Variants in UACA observed in about 807,000 individuals in gnomAD.
UACA encodes the protein uveal autoantigen with coiled-coil domains and ankyrin repeats.
A neutral mutation model predicts 160.5 loss-of-function variants in UACA; 112 were observed. The ratio of observed to expected loss-of-function variants is 0.70; its 90% confidence interval spans 0.60 to 0.82. The LOEUF is 0.82. UACA is among the 40% of genes least tolerant of loss of function. The pLI, the probability that UACA is intolerant of heterozygous loss-of-function variation, is 0.00. For missense variants in UACA, 1,574 were observed against 1,614.6 expected (o/e 0.97, Z 0.43); for synonymous variants, 557 against 568.4 (o/e 0.98, Z 0.29).
chr15:70,696,056 C>T (rs1043075172), intron 2 of UACA, among the ~76,000 whole-genome samples: 1 of 152,062 alleles, frequency 6.6e-6, no homozygotes, highest in African/African-American at 2.4e-5. Context: ...TAAGTAAGTG[C>T]AATAACCATT....
At chr15:70,759,523 C>T (rs1421101444) in intron 1 of UACA, among the ~76,000 whole-genome samples, 1 of 152,168 alleles carries the variant, frequency 6.6e-6, no homozygotes, top group African/African-American at 2.4e-5. Flanking sequence ...GGCATGGTGG[C>T]AAATGCCTGT....
intron 1 of UACA, among the ~76,000 whole-genome samples, chr15:70,714,036 T>G (rs1898757781): frequency 1.3e-5 from 2 of 151,852 alleles, no homozygotes; most frequent in Non-Finnish European, 2.9e-5. Flanking sequence ...TTAGGCAAAT[T>G]CCCCCAAAAC....
chr15:70,774,730 A>G, the UACA span, among the ~76,000 whole-genome samples: 3 of 152,058 alleles, frequency 2.0e-5, no homozygotes, highest in South Asian at 4.1e-4. Context: ...CTTGATTAAA[A>G]TGATTTATAC....
At chr15:70,771,408 T>G in the UACA span, among the ~76,000 whole-genome samples, 1 of 152,256 alleles carries the variant, frequency 6.6e-6, no homozygotes, top group Non-Finnish European at 1.5e-5. Flanking sequence ...TGCTACATTC[T>G]GCAATAAATT....
rs771094058 is a variant in UACA, at chr15:70,669,271, C to A, written c.1413G>T (p.Val471=). The change falls in exon 16 of 19, where the codon GTG becomes GTT. Residue 471 remains valine (V), a synonymous_variant. Transcript: ENST00000322954. ...CTAATGCTAAAGCTTTGCATTCTGC[C>A]ACTTTGTGTGCCAGTTCATTTTGGA... ...LKLQNELAHK[V]AECKALALEC... is the part of the protein sequence containing the mutation. The A allele has an allele frequency of 2.7e-5, 43 of 1,613,900 alleles. No individual in the cohort carries two copies. Among genetic ancestry groups the A allele is most frequent in the Non-Finnish European group, 3.0e-5 (35 of 1,179,982 alleles).
At chr15:70,741,411 T>C (rs1566996351) in intron 1 of UACA, among the ~76,000 whole-genome samples, 1 of 152,130 alleles carries the variant, frequency 6.6e-6, no homozygotes, top group Non-Finnish European at 1.5e-5. Flanking sequence ...CATGTGCTAG[T>C]ACCAAACAAG....
intron 1 of UACA, among the ~76,000 whole-genome samples, chr15:70,759,511 C>T (rs1213632877): frequency 2.0e-5 from 3 of 152,212 alleles, no homozygotes; most frequent in Admixed American, 6.5e-5. Flanking sequence ...CAAAATGAGC[C>T]GGGCATGGTG....
intron 1 of UACA, among the ~76,000 whole-genome samples, chr15:70,749,935 TC>T (rs1408998922): frequency 5.9e-5 from 9 of 152,156 alleles, no homozygotes; most frequent in African/African-American, 2.2e-4. Flanking sequence ...GCTCTCTCTC[TC>T]CCTCTTACAG....
intron 13 of UACA, among the ~76,000 whole-genome samples, chr15:70,675,328 C>T (rs551425199): frequency 1.9e-4 from 29 of 152,302 alleles, no homozygotes; most frequent in African/African-American, 7.0e-4. Flanking sequence ...GAAGCCACTA[C>T]AGCTAGATCA....
At chr15:70,708,755 G>A (rs1409602172) in intron 1 of UACA, among the ~76,000 whole-genome samples, 1 of 152,160 alleles carries the variant, frequency 6.6e-6, no homozygotes, top group East Asian at 1.9e-4. Flanking sequence ...ACAGGTGTGA[G>A]CCACTGTGCC....
chr15:70,673,340 G>C (rs1267126604), intron 13 of UACA, among the ~76,000 whole-genome samples: 1 of 152,072 alleles, frequency 6.6e-6, no homozygotes, highest in Admixed American at 6.6e-5. Context: ...GGCAGATGTA[G>C]TTCATATTTG....
At chr15:70,693,976 A>T (rs1041381670) in intron 3 of UACA, among the ~76,000 whole-genome samples, 1 of 152,150 alleles carries the variant, frequency 6.6e-6, no homozygotes, top group Non-Finnish European at 1.5e-5. Flanking sequence ...GATTTACCTC[A>T]CTAATTCAAT....
chr15:70,697,935 A>G (rs1455390883), intron 2 of UACA, among the ~76,000 whole-genome samples: 3 of 152,182 alleles, frequency 2.0e-5, no homozygotes, highest in Admixed American at 1.3e-4. Context: ...CTGCAATCCC[A>G]GCTACTCAGG....
At chr15:70,661,558 C>T (rs1436311299) in intron 17 of UACA, 1 of 152,050 alleles carries the variant, frequency 6.6e-6, no homozygotes, top group Non-Finnish European at 1.5e-5. Flanking sequence ...AAACAAAAAA[C>T]CTTTCTTCTA....
chr15:70,710,434 C>T (rs911078213), intron 1 of UACA, among the ~76,000 whole-genome samples: 2 of 152,142 alleles, frequency 1.3e-5, no homozygotes, highest in African/African-American at 4.8e-5. Flanking sequence ...ACTTACAGAG[C>T]AATTCTCCAG....
rs967095130 is a variant in UACA, at chr15:70,693,762, A to G, written c.301+1255T>C. Among the ~76,000 whole-genome samples, 4 of 152,102 alleles carry G rather than the reference A, an allele frequency of 2.6e-5. No individual in the cohort carries two copies. The East Asian group carries it at 7.7e-4, about 29-fold the overall frequency. On this transcript the variant is annotated intron_variant, in intron 3 of 18. Transcript: ENST00000322954. ...GAAAGAATACAGACAAAAACAAGAA[A>G]GATACCTGTTTGAATTGGGATCCAC...
rs762935635 is a variant in UACA at position 70,695,008 on chromosome 15, C to A, written c.301+9G>T. On this transcript the variant is annotated intron_variant, in intron 3 of 18. Transcript: ENST00000322954. ...TATGTTTTATAATTAACTATGGAGG[C>A]AAACATACCTGCAGTGTCACTGGTT... is the stretch of plus-strand genomic sequence containing the variant. 3.8e-6 allele frequency: 6 copies of A among 1,596,906 alleles called. No homozygotes were observed. The highest frequency in any genetic ancestry group is 1.3e-5 in the African/African-American group (1 of 74,476).
At chr15:70,685,616 A>C (rs146890823) in intron 7 of UACA, among the ~76,000 whole-genome samples, 87 of 152,322 alleles carry the variant, frequency 5.7e-4, no homozygotes, top group African/African-American at 2.0e-3. Flanking sequence ...TGAAAACCAT[A>C]TGCTATTTAG....
intron 18 of UACA, among the ~76,000 whole-genome samples, chr15:70,659,414 T>TTTTTTTTTTTTTTTTTTTG (rs1896616887): frequency 7.4e-6 from 1 of 134,558 alleles, no homozygotes. Context: ...TTTTTTTTTT[T>TTTTTTTTTTTTTTTTTTTG]TTTTTTTTGC....
Sources: gnomAD v4.1 joint callset for allele counts (sites outside exome capture counted in the v4.1 genomes callset) on GRCh38, gnomAD v4.1.1 for gene constraint, MANE v1.5 for transcripts, NCBI Gene and HGNC (gene_info 2026-07-23, HGNC 2026-07-21) for gene names.